The following CADM2 variants were observed in gnomAD, a reference collection of about 807,000 sequenced individuals.
The protein encoded by CADM2 is immunoglobulin superfamily member 4D.
A neutral mutation model predicts 49.8 loss-of-function variants in CADM2; 12 were observed. The observed-to-expected ratio is 0.24, with a 90% CI of 0.15 to 0.39. The LOEUF (loss-of-function observed/expected upper bound fraction) is 0.39, where lower values mean the gene tolerates loss of function less well. Ranked by LOEUF, CADM2 falls within the 10% of genes least tolerant of loss-of-function variation. The probability of loss-of-function intolerance (pLI) is 1.00; values close to 1 mark genes in which losing one functional copy is unlikely to be tolerated. For synonymous variants in CADM2, 214 were observed against 175.4 expected (o/e 1.22, Z -1.74); for missense variants, 378 against 492.3 (o/e 0.77, Z 2.20).
At chr3:85,344,396 T>TAAATAAAA (rs1201388626) in intron 1 of CADM2, among the ~76,000 whole-genome samples, 8 of 148,214 alleles carry the variant, frequency 5.4e-5, no homozygotes, top group Non-Finnish European at 8.9e-5. Context: ...AATAAATAAA[T>TAAATAAAA]AAATAAATAA....
chr3:86,068,583 TTTGA>T lies in CADM2; in HGVS notation c.*1803_*1806del, dbSNP rs1360880412. On this transcript the variant is annotated 3_prime_UTR_variant, in exon 10 of 10. Coordinates refer to ENST00000383699, the MANE Select transcript of CADM2 (RefSeq NM_001167675.2). ...AAATGAAAGACAAGGGTGCTGTATC[TTTGA>T]TTATTTATCAAAAAAGTATAAATCT... is the stretch of plus-strand genomic sequence containing the variant. The T allele has an allele frequency of 1.3e-5, 2 of 151,994 alleles. No homozygotes were observed. The highest frequency in any genetic ancestry group is 2.9e-5 in the Non-Finnish European group (2 of 67,852). The allele number at this position is 151,994 out of a possible 1,614,324, so 9.4% of individuals were successfully genotyped here.
intron 7 of CADM2, among the ~76,000 whole-genome samples, chr3:85,938,316 A>G (rs959229144): frequency 1.3e-5 from 2 of 152,104 alleles, no homozygotes; most frequent in Non-Finnish European, 2.9e-5. Context: ...TACTGATCGT[A>G]AAGAAAAGTC....
chr3:85,196,043 C>T (rs1006385719), intron 1 of CADM2, among the ~76,000 whole-genome samples: 1 of 151,982 alleles, frequency 6.6e-6, no homozygotes, highest in Non-Finnish European at 1.5e-5. Context: ...CAATTATGCA[C>T]ATGGAAAATC....
chr3:85,111,036 T>A (rs989589536), intron 1 of CADM2, among the ~76,000 whole-genome samples: 4 of 152,032 alleles, frequency 2.6e-5, no homozygotes, highest in African/African-American at 9.6e-5. Flanking sequence ...TAAAAGTACA[T>A]GAATAATGTA....
chr3:85,486,020 C>G (rs990855619), intron 1 of CADM2, among the ~76,000 whole-genome samples: 8 of 151,978 alleles, frequency 5.3e-5, no homozygotes, highest in Non-Finnish European at 1.2e-4. Context: ...AGTTAAGAAC[C>G]GAGTAGCAGA....
chr3:85,137,615 C>T (rs2039455137), intron 1 of CADM2, among the ~76,000 whole-genome samples: 1 of 151,992 alleles, frequency 6.6e-6, no homozygotes, highest in Non-Finnish European at 1.5e-5. Flanking sequence ...ATTTTCACAA[C>T]TTTCTGAGTT....
chr3:85,624,342 A>AT lies in CADM2; in HGVS notation c.62-102172dup, dbSNP rs545975377. On this transcript the variant is annotated intron_variant, in intron 1 of 9. Transcript: ENST00000383699. ...ATGCTTTTATAGAAACTCTTTTTTA[A>AT]TTTTTTTTGAGATGGAGTCCCGCTC... 2.5e-3 allele frequency among the ~76,000 whole-genome samples: 373 copies of AT among 151,742 alleles called. 1 individual carries two copies. Among genetic ancestry groups the AT allele is most frequent in the Non-Finnish European group, 4.3e-3 (290 of 67,870 alleles).
In CADM2 at chr3:85,495,712, C is replaced by T. The variant is rs143985221; in HGVS notation, c.62-230810C>T. Among the ~76,000 whole-genome samples the T allele has an allele frequency of 6.9e-3, 1,049 of 151,954 alleles. 1 individual carries two copies. Among genetic ancestry groups the T allele is most frequent in the Non-Finnish European group, 0.011 (768 of 67,962 alleles). On this transcript the variant is annotated intron_variant, in intron 1 of 9. Transcript: ENST00000383699. The stretch of plus-strand genomic sequence containing the variant: ...TGCAGGAGGCTTACAGTCAATCAAG[C>T]AGAAGAATAGTGGGAGCATGCATGT...
intron 1 of CADM2, among the ~76,000 whole-genome samples, chr3:85,566,994 G>A (rs1011830188): frequency 6.6e-6 from 1 of 152,064 alleles, no homozygotes; most frequent in African/African-American, 2.4e-5. Context: ...AACCAATTAA[G>A]CTTCCCATCT....
chr3:85,101,799 G>A (rs1419838416), intron 1 of CADM2, among the ~76,000 whole-genome samples: 1 of 152,174 alleles, frequency 6.6e-6, no homozygotes, highest in Non-Finnish European at 1.5e-5. Context: ...AGAATGCTGA[G>A]GTGATGCTTG....
At chr3:85,043,862 T>G (rs958627946) in intron 1 of CADM2, among the ~76,000 whole-genome samples, 2 of 152,088 alleles carry the variant, frequency 1.3e-5, no homozygotes, top group Admixed American at 1.3e-4. Flanking sequence ...ATCCATGCAA[T>G]AGAAGTATAT....
intron 1 of CADM2, among the ~76,000 whole-genome samples, chr3:85,112,772 G>A (rs1293269846): frequency 6.6e-6 from 1 of 151,536 alleles, no homozygotes; most frequent in Non-Finnish European, 1.5e-5. Context: ...ATTAACGTTA[G>A]ACTTTCATAA....
intron 2 of CADM2, among the ~76,000 whole-genome samples, chr3:85,753,856 C>T (rs1306546699): frequency 6.6e-6 from 1 of 152,072 alleles, no homozygotes. Flanking sequence ...GAGTGAGAGA[C>T]TGAGACAAGT....
intron 8 of CADM2, among the ~76,000 whole-genome samples, chr3:86,009,092 A>AGTGT (rs3042197): frequency 0.3 from 43,279 of 145,262 alleles, 7,692 homozygotes; most frequent in Non-Finnish European, 0.38. Context: ...TTGGTGTTAT[A>AGTGT]GTGTGTGTGT....
chr3:85,246,554 G>A (rs1221087882), intron 1 of CADM2, among the ~76,000 whole-genome samples: 1 of 151,996 alleles, frequency 6.6e-6, no homozygotes, highest in Non-Finnish European at 1.5e-5. Flanking sequence ...GGGTTATTTA[G>A]CATTTCTTAT....
intron 1 of CADM2, among the ~76,000 whole-genome samples, chr3:85,712,703 G>A (rs758961253): frequency 4.7e-5 from 7 of 150,532 alleles, no homozygotes; most frequent in South Asian, 2.1e-4. Context: ...TGACTCAAAT[G>A]AAAAATATGT....
intron 1 of CADM2, among the ~76,000 whole-genome samples, chr3:85,640,810 A>C (rs1369217778): frequency 2.0e-5 from 3 of 152,068 alleles, no homozygotes; most frequent in African/African-American, 7.2e-5. Flanking sequence ...TTGTTGCAGA[A>C]TTTCAGTTAG....
chr3:85,252,463 A>T (rs557070391), intron 1 of CADM2, among the ~76,000 whole-genome samples: 2 of 152,060 alleles, frequency 1.3e-5, no homozygotes, highest in Non-Finnish European at 2.9e-5. Flanking sequence ...GTAAGTAGAG[A>T]TTTTAAAAGG....
intron 8 of CADM2, among the ~76,000 whole-genome samples, chr3:86,016,379 T>C (rs529865317): frequency 1.3e-5 from 2 of 152,322 alleles, no homozygotes; most frequent in African/African-American, 4.8e-5. Context: ...CTTAAAAGTT[T>C]TCTAGATAAG....
Sources: allele counts gnomAD v4.1 joint callset (sites outside exome capture counted in the v4.1 genomes callset), GRCh38; gene constraint gnomAD v4.1.1; transcripts MANE v1.5; gene names NCBI Gene and HGNC (gene_info 2026-07-23, HGNC 2026-07-21).